The following SLC9A7 variants were observed in gnomAD, a reference collection of about 807,000 sequenced individuals.
SLC9A7 encodes sodium/hydrogen exchanger 7.
A neutral mutation model predicts 52.6 loss-of-function variants in SLC9A7; 19 were observed. The ratio of observed to expected loss-of-function variants is 0.36; its 90% CI spans 0.25 to 0.53. The LOEUF is 0.53. SLC9A7 is among the 20% of genes least tolerant of loss of function. The probability of loss-of-function intolerance (pLI) is 0.91; values close to 1 mark genes in which losing one functional copy is unlikely to be tolerated. For synonymous variants in SLC9A7, 226 were observed against 252.1 expected, an observed-to-expected ratio of 0.90 and a Z score of 0.98; for missense variants, 455 against 597.9, an observed-to-expected ratio of 0.76 and a Z score of 2.49.
intron 12 of SLC9A7, among the ~76,000 whole-genome samples, chrX:46,642,930 G>A (rs1490980980): frequency 2.7e-5 from 3 of 111,565 alleles, no homozygotes; most frequent in African/African-American, 6.5e-5. Context: ...TTTCTCTCCC[G>A]CAGCTTTAAG....
chrX:46,666,261 T>C (rs902844364), intron 5 of SLC9A7, among the ~76,000 whole-genome samples: 10 of 111,359 alleles, frequency 9.0e-5, no homozygotes, highest in South Asian at 7.6e-4. Context: ...CAATCACCAC[T>C]ATGGTCAGCT....
At chrX:46,722,760 A>G (rs1365775223) in intron 1 of SLC9A7, among the ~76,000 whole-genome samples, 2 of 111,814 alleles carry the variant, frequency 1.8e-5, no homozygotes, top group Non-Finnish European at 3.8e-5. Flanking sequence ...TGCCATACAC[A>G]AGTTCTATTG....
intron 11 of SLC9A7, among the ~76,000 whole-genome samples, chrX:46,645,184 C>G (rs1337271446): frequency 8.9e-6 from 1 of 112,298 alleles, no homozygotes; most frequent in Non-Finnish European, 1.9e-5. Flanking sequence ...CACTTCTCAG[C>G]TTTTTAGTAC....
At chrX:46,700,119 C>T (rs1414064925) in intron 1 of SLC9A7, among the ~76,000 whole-genome samples, 3 of 109,636 alleles carry the variant, frequency 2.7e-5, no homozygotes, top group Non-Finnish European at 5.7e-5. Flanking sequence ...AAAAAAAAAT[C>T]ACAGATATAT....
At chrX:46,728,074 T>C (rs574582021) in intron 1 of SLC9A7, among the ~76,000 whole-genome samples, 27 of 111,943 alleles carry the variant, frequency 2.4e-4, no homozygotes, top group African/African-American at 8.4e-4. Flanking sequence ...AGCGGTTAAT[T>C]TGATATACAA....
rs958123491 is a variant in SLC9A7 at position 46,708,421 on chromosome X, T to C, written c.326-25886A>G. Among the ~76,000 whole-genome samples, 81 of 110,240 alleles carry C rather than the reference T, an allele frequency of 7.3e-4. 1 individual carries two copies. Among genetic ancestry groups the C allele is most frequent in the Admixed American group, 5.8e-4 (6 of 10,409 alleles). ...GGCGGGTGCCTGTAATCCCAGCTACTCAGGAGGCTGATGCAGGAGAATTGC... is the reference window on the plus strand; with the variant it reads ...GGCGGGTGCCTGTAATCCCAGCTACCCAGGAGGCTGATGCAGGAGAATTGC... On this transcript the variant is annotated intron_variant, in intron 1 of 16. Coordinates refer to ENST00000616978, the MANE Select transcript of SLC9A7 (RefSeq NM_001257291.2).
At chrX:46,662,833 T>C (rs1172547495) in intron 5 of SLC9A7, among the ~76,000 whole-genome samples, 190 bp from the exon 6 acceptor site, 1 of 111,749 alleles carries the variant, frequency 8.9e-6, no homozygotes, top group East Asian at 2.8e-4. Flanking sequence ...TGAAGGAGCT[T>C]TGATATGATG....
intron 1 of SLC9A7, among the ~76,000 whole-genome samples, chrX:46,692,744 A>C (rs1054660065): frequency 1.8e-5 from 2 of 111,405 alleles, no homozygotes; most frequent in African/African-American, 6.5e-5. Flanking sequence ...ATGAGAACGA[A>C]TGGTCTCTAA....
chrX:46,742,909 G>A lies in SLC9A7; in HGVS notation c.325+15796C>T, dbSNP rs982721458. 2.7e-5 allele frequency among the ~76,000 whole-genome samples: 3 copies of A among 110,043 alleles called. No individual in the cohort carries two copies. In the Admixed American group the frequency reaches 2.9e-4, roughly 11 times the overall value. Reference sequence around the variant, plus strand: ...TACAAAAAGTTCTTAAAAATTAGCCGGGCGTGGTGGCATGCACCTGTAATC... The same window carrying A: ...TACAAAAAGTTCTTAAAAATTAGCCAGGCGTGGTGGCATGCACCTGTAATC... On this transcript the variant is annotated intron_variant, in intron 1 of 16. Coordinates refer to ENST00000616978, the MANE Select transcript of SLC9A7 (RefSeq NM_001257291.2).
At position 46,605,325 on chromosome X, in the gene SLC9A7, G is replaced by A. The variant is rs900170342; in HGVS notation, c.*1627C>T. 3.6e-5 allele frequency: 4 copies of A among 111,620 alleles called. No individual in the cohort carries two copies. The highest frequency in any genetic ancestry group is 7.5e-5 in the Non-Finnish European group (4 of 53,123). The allele number at this position is 111,620 out of a possible 1,213,427, so 9.2% of individuals were successfully genotyped here. A position where few individuals can be genotyped will look rare whatever the true frequency, so the allele number is the denominator to read the frequency against. Reference sequence around the variant, plus strand: ...ATTAAGAGAAACTCAAACTTTTCCCGAGAGGTCTTTCTGTATTTCAGCACT... The same window carrying A: ...ATTAAGAGAAACTCAAACTTTTCCCAAGAGGTCTTTCTGTATTTCAGCACT... On this transcript the variant is annotated 3_prime_UTR_variant, in exon 17 of 17. Coordinates refer to ENST00000616978, the MANE Select transcript of SLC9A7 (RefSeq NM_001257291.2).
chrX:46,689,400 AG>A (rs1237321978), intron 1 of SLC9A7, among the ~76,000 whole-genome samples: 1 of 111,865 alleles, frequency 8.9e-6, no homozygotes, highest in Non-Finnish European at 1.9e-5. Context: ...TCACCTACTG[AG>A]GGATATCTGG....
At chrX:46,656,027 G>T (rs753399166) in intron 7 of SLC9A7, among the ~76,000 whole-genome samples, 3 of 110,927 alleles carry the variant, frequency 2.7e-5, no homozygotes, top group African/African-American at 9.8e-5. Context: ...GGAGATCTGA[G>T]AACGGGCAGA....
chrX:46,637,710 AT>A lies in SLC9A7; in HGVS notation c.1617-2063del, dbSNP rs1943344534. ...CATCAGGCAAAATAATCCCACCATC[AT>A]TTTTTAAGTTGCCAAAATTATGTCC... On this transcript the variant is annotated intron_variant, in intron 12 of 16. Coordinates refer to ENST00000616978, the MANE Select transcript of SLC9A7 (RefSeq NM_001257291.2). Among the ~76,000 whole-genome samples the A allele has an allele frequency of 3.6e-5, 4 of 112,019 alleles. No homozygotes were observed. The Admixed American group carries it at 3.8e-4, about 11-fold the overall frequency.
intron 7 of SLC9A7, among the ~76,000 whole-genome samples, chrX:46,655,945 G>T (rs1943676279): frequency 1.8e-5 from 2 of 112,195 alleles, no homozygotes; most frequent in Admixed American, 9.4e-5. Flanking sequence ...AAAGACAGCA[G>T]TAACCTCCGC....
At chrX:46,718,916 A>G (rs2146952456) in intron 1 of SLC9A7, among the ~76,000 whole-genome samples, 1 of 112,069 alleles carries the variant, frequency 8.9e-6, no homozygotes, top group Non-Finnish European at 1.9e-5. Flanking sequence ...AGAACTAGAT[A>G]TACCATTTGA....
rs1225689378 is a variant in SLC9A7 at position 46,741,816 on chromosome X, CT to C, written c.325+16888del. Among the ~76,000 whole-genome samples, 3 of 109,240 alleles carry C rather than the reference CT, an allele frequency of 2.7e-5. No homozygotes were observed. In the East Asian group the frequency reaches 8.5e-4, roughly 31 times the overall value. The allele number at this position is 109,240 out of a possible 115,157, so 94.9% of individuals were successfully genotyped here. On this transcript the variant is annotated intron_variant, in intron 1 of 16. Transcript: ENST00000616978. ...TGCATCGAAATTTAAAAGTTTTGCT[CT>C]CCAAAAGATATGGTTAAGATACTGA...
At chrX:46,726,004 A>G (rs758118791) in intron 1 of SLC9A7, among the ~76,000 whole-genome samples, 3 of 112,082 alleles carry the variant, frequency 2.7e-5, no homozygotes, top group Non-Finnish European at 3.8e-5. Flanking sequence ...TGGGCAAGTC[A>G]CTCAACTTCT....
At chrX:46,630,903 A>G (rs1256116998) in intron 14 of SLC9A7, among the ~76,000 whole-genome samples, 2 of 112,414 alleles carry the variant, frequency 1.8e-5, no homozygotes, top group Non-Finnish European at 3.8e-5. Flanking sequence ...AAGCCATCAC[A>G]TAAGAAATCC....
chrX:46,648,034 A>G (rs932029728), intron 11 of SLC9A7, among the ~76,000 whole-genome samples: 2 of 112,176 alleles, frequency 1.8e-5, no homozygotes, highest in Non-Finnish European at 3.8e-5. Flanking sequence ...TCCTTACTCT[A>G]CTTCCACAGC....
Sources: allele counts gnomAD v4.1 joint callset (sites outside exome capture counted in the v4.1 genomes callset), GRCh38; gene constraint gnomAD v4.1.1; transcripts MANE v1.5; gene names NCBI Gene and HGNC (gene_info 2026-07-23, HGNC 2026-07-21).